AMMECR1: variants seen among roughly 807,000 people sequenced by gnomAD.
AMMECR1 encodes nuclear protein AMMECR1.
Under a neutral mutation model 22.5 loss-of-function variants are expected in AMMECR1, and 3 were observed. The observed-to-expected ratio is 0.13, with a 90% CI of 0.06 to 0.35. AMMECR1 has a LOEUF of 0.35. AMMECR1 is among the 10% of genes least tolerant of loss of function. The pLI, the probability that AMMECR1 is intolerant of heterozygous loss-of-function variation, is 1.00. For synonymous variants in AMMECR1, 130 were observed against 116.7 expected (o/e 1.11, Z -0.74); for missense variants, 235 against 278.7 (o/e 0.84, Z 1.12).
rs1187174144 is a variant in AMMECR1, at chrX:110,317,769, G to A, written c.303C>T (p.Ala101=). The part of the protein sequence containing the change: ...CGVGTLLSTP[A]AATSSSPSSS... Reference sequence around the variant, plus strand: ...AGGAGGGTGAGGAAGAGGTGGCGGCGGCCGGGGTAGAAAGTAGGGTCCCCA... The same window carrying A: ...AGGAGGGTGAGGAAGAGGTGGCGGCAGCCGGGGTAGAAAGTAGGGTCCCCA... Residue 101 remains alanine (A), a synonymous_variant, in exon 1 of 6, where the codon GCC becomes GCT. Coordinates refer to ENST00000262844, the MANE Select transcript of AMMECR1 (RefSeq NM_015365.3). 4 of 1,179,029 alleles carry A rather than the reference G, an allele frequency of 3.4e-6. No homozygotes were observed. Among genetic ancestry groups the A allele is most frequent in the Non-Finnish European group, 4.6e-6 (4 of 878,557 alleles).
intron 1 of AMMECR1, 39 bp downstream of exon 1, chrX:110,317,560 G>A (rs745332343): frequency 1.6e-5 from 18 of 1,123,953 alleles, no homozygotes; most frequent in Non-Finnish European, 2.1e-5. Context: ...GCCCCATCCC[G>A]AGCGCAAGGG....
chrX:110,255,259 G>C (rs1278251008), intron 2 of AMMECR1, among the ~76,000 whole-genome samples: 1 of 111,587 alleles, frequency 9.0e-6, no homozygotes, highest in Non-Finnish European at 1.9e-5. Flanking sequence ...TGCTCTGTCT[G>C]AGCCCCACTG....
intron 2 of AMMECR1, among the ~76,000 whole-genome samples, chrX:110,249,766 G>C (rs1365727505): frequency 1.8e-5 from 2 of 111,858 alleles, no homozygotes; most frequent in Non-Finnish European, 3.8e-5. Context: ...TGGGCATGGT[G>C]GCGCATGCCT....
intron 1 of AMMECR1, among the ~76,000 whole-genome samples, chrX:110,303,087 G>C (rs949512399): frequency 2.7e-5 from 3 of 111,410 alleles, no homozygotes; most frequent in Non-Finnish European, 5.7e-5. Context: ...GTTATTATGA[G>C]ATGGTGAATA....
At chrX:110,437,647 A>G (rs1460380606) in intron 1 of AMMECR1, among the ~76,000 whole-genome samples, 3 of 111,083 alleles carry the variant, frequency 2.7e-5, no homozygotes, top group Non-Finnish European at 5.6e-5. Flanking sequence ...AATGAAGTGA[A>G]TCACTGTATC....
chrX:110,204,103 A>G (rs1329225567), intron 3 of AMMECR1, among the ~76,000 whole-genome samples: 1 of 111,665 alleles, frequency 9.0e-6, no homozygotes, highest in East Asian at 2.8e-4. Flanking sequence ...GATAAAGGAC[A>G]TCTACTAATC....
At chrX:110,428,617 T>C (rs1157193194) in intron 1 of AMMECR1, among the ~76,000 whole-genome samples, 1 of 111,225 alleles carries the variant, frequency 9.0e-6, no homozygotes, top group East Asian at 2.8e-4. Flanking sequence ...CTCTCCAAGA[T>C]GTGGCTTTCT....
rs745606509 is a variant in AMMECR1, at chrX:110,218,420, T to C, written c.585-1788A>G. Among the ~76,000 whole-genome samples the C allele has an allele frequency of 2.7e-4, 30 of 111,021 alleles. No homozygotes were observed. The South Asian group carries it at 9.4e-3, about 35-fold the overall frequency. ...TTACTATTTTAGCCATTGTTAAGTA[T>C]ATAGTTCTGTAAAATTAAATATATT... On this transcript the variant is annotated intron_variant, in intron 2 of 5. Coordinates refer to ENST00000262844, the MANE Select transcript of AMMECR1 (RefSeq NM_015365.3).
chrX:110,293,258 T>C (rs2067918064), intron 1 of AMMECR1, among the ~76,000 whole-genome samples: 1 of 111,987 alleles, frequency 8.9e-6, no homozygotes, highest in African/African-American at 3.2e-5. Flanking sequence ...CTCATTGTCC[T>C]CGTGTGTTTG....
At chrX:110,243,073 T>C (rs1314552587) in intron 2 of AMMECR1, among the ~76,000 whole-genome samples, 1 of 112,518 alleles carries the variant, frequency 8.9e-6, no homozygotes, top group Non-Finnish European at 1.9e-5. Context: ...AAAGGAACCA[T>C]CTAAATTGTT....
In AMMECR1 at chrX:110,317,822, C is replaced by A; in HGVS notation, c.250G>T (p.Ala84Ser). ...CCGCAGCTCGGAGGTGGCGACAGGGCGATCCCCCCGCCGCCGCCGCCGCAG... is the reference window on the plus strand; with the variant it reads ...CCGCAGCTCGGAGGTGGCGACAGGGAGATCCCCCCGCCGCCGCCGCCGCAG... The part of the protein sequence containing the change: ...QGCGGGGGGI[A>S]LSPPPSCGVG... The change falls in exon 1 of 6, where the codon GCC becomes TCC. Residue 84 changes from alanine to serine, a missense_variant. Physicochemically the swap from Ala to Ser is moderately conservative, Grantham distance 99. Transcript: ENST00000262844. The A allele has an allele frequency of 3.5e-6, 4 of 1,155,250 alleles. No homozygotes were observed. Among genetic ancestry groups the A allele is most frequent in the African/African-American group, 1.8e-5 (1 of 56,032 alleles).
intron 2 of AMMECR1, among the ~76,000 whole-genome samples, chrX:110,240,557 C>T (rs2067626641): frequency 2.0e-5 from 2 of 99,414 alleles, no homozygotes; most frequent in South Asian, 9.5e-4. Context: ...GCACCCAATA[C>T]AGGACCACCG....
At chrX:110,219,078 A>G (rs905264226) in intron 2 of AMMECR1, among the ~76,000 whole-genome samples, 5 of 111,819 alleles carry the variant, frequency 4.5e-5, no homozygotes, top group African/African-American at 1.6e-4. Context: ...CTTTTTGGCT[A>G]TTATAAATAG....
In AMMECR1 at chrX:110,423,328, C is replaced by CA. The variant is rs764253802; in HGVS notation, c.-148+3329dup. 5.9e-3 allele frequency among the ~76,000 whole-genome samples: 359 copies of CA among 60,640 alleles called. 3 individuals are homozygous for CA. The highest frequency in any genetic ancestry group is 0.026 in the South Asian group (31 of 1,172). The allele number at this position is 60,640 out of a possible 115,157, so 52.7% of individuals were successfully genotyped here. On this transcript the variant is annotated intron_variant, in intron 2 of 7. Transcript: ENST00000372057. Reference sequence around the variant, plus strand: ...GGGCAACAAGAGTGAAACTCGGTCTCAAAAAAAAAAAAAGAAAAAGAAAAA... The same window carrying CA: ...GGGCAACAAGAGTGAAACTCGGTCTCAAAAAAAAAAAAAAGAAAAAGAAAAA...
intron 1 of AMMECR1, chrX:110,305,303 T>C (rs1305586045): frequency 8.9e-6 from 1 of 112,150 alleles, no homozygotes; most frequent in Non-Finnish European, 1.9e-5. Flanking sequence ...AGTCTTAAGA[T>C]AATACTGGCA....
At chrX:110,355,120 C>T (rs1035046609) in intron 2 of AMMECR1, among the ~76,000 whole-genome samples, 1 of 112,290 alleles carries the variant, frequency 8.9e-6, no homozygotes, top group Non-Finnish European at 1.9e-5. Flanking sequence ...GGGCTAATAT[C>T]CAAAATACAT....
chrX:110,292,942 C>T (rs1355490179), intron 1 of AMMECR1, among the ~76,000 whole-genome samples: 1 of 111,720 alleles, frequency 9.0e-6, no homozygotes, highest in Non-Finnish European at 1.9e-5. Flanking sequence ...TATGTGCGAG[C>T]AAGGAGTATA....
At position 110,351,348 on chromosome X, in the gene AMMECR1, C is replaced by G. The variant is rs189447402; in HGVS notation, c.-147-33499G>C. On this transcript the variant is annotated intron_variant, in intron 2 of 7. Coordinates refer to the AMMECR1 transcript ENST00000372057. ...GCACACTTCCCAATTTCAAAACTTA[C>G]TAAAAAGCTACAACAATCAGTATGG... Among the ~76,000 whole-genome samples, 10 of 111,912 alleles carry G rather than the reference C, an allele frequency of 8.9e-5. 1 individual carries two copies. The highest frequency in any genetic ancestry group is 1.3e-4 in the Non-Finnish European group (7 of 53,157).
intron 1 of AMMECR1, among the ~76,000 whole-genome samples, chrX:110,296,915 T>C (rs1411058064): frequency 9.0e-6 from 1 of 111,305 alleles, no homozygotes; most frequent in East Asian, 2.8e-4. Context: ...TTAAGTGCCA[T>C]AGTTTACTGT....
Sources: gnomAD v4.1 joint callset for allele counts (sites outside exome capture counted in the v4.1 genomes callset) on GRCh38, gnomAD v4.1.1 for gene constraint, MANE v1.5 for transcripts, NCBI Gene and HGNC (gene_info 2026-07-23, HGNC 2026-07-21) for gene names.